The following PPME1 variants were observed in gnomAD, a reference collection of about 807,000 sequenced individuals.
PPME1 encodes the protein testicular secretory protein Li 39.
Under a neutral mutation model 56.9 loss-of-function variants are expected in PPME1, and 17 were observed. The observed-to-expected ratio is 0.30, with a 90% CI of 0.20 to 0.45. The LOEUF (loss-of-function observed/expected upper bound fraction) is 0.45. Ranked by LOEUF, PPME1 falls within the 20% of genes least tolerant of loss-of-function variation. PPME1 has a pLI of 1.00. For synonymous variants in PPME1, 122 were observed against 156.2 expected, an observed-to-expected ratio of 0.78 and a Z score of 1.63; for missense variants, 357 against 483.2, an observed-to-expected ratio of 0.74 and a Z score of 2.45.
At chr11:74,251,060 A>AT in intron 12 of PPME1, 42 bp downstream of exon 12, 1 of 1,561,716 alleles carries the variant, frequency 6.4e-7, no homozygotes, top group South Asian at 1.2e-5. Context: ...CAACTGTGAG[A>AT]ATAACCCTGG....
chr11:74,175,734 T>A lies in PPME1; in HGVS notation c.101+4212T>A, dbSNP rs1857386039. Among the ~76,000 whole-genome samples the A allele has an allele frequency of 5.3e-5, 8 of 152,302 alleles. No homozygotes were observed. In the South Asian group the frequency reaches 1.7e-3, roughly 32 times the overall value. On this transcript the variant is annotated intron_variant, in intron 1 of 13. Coordinates refer to ENST00000328257, the MANE Select transcript of PPME1 (RefSeq NM_016147.3). ...TAGCATGCCCAGCTCTGTAGTGATT[T>A]AACTGACATGTATATAGTAGTCCCT...
chr11:74,211,511 T>C (rs146305815), intron 3 of PPME1, among the ~76,000 whole-genome samples: 2 of 152,240 alleles, frequency 1.3e-5, no homozygotes, highest in African/African-American at 4.8e-5. Flanking sequence ...ACAACACAAA[T>C]GAATTTAAAT....
intron 1 of PPME1, among the ~76,000 whole-genome samples, chr11:74,179,602 C>G (rs1473116219): frequency 6.6e-6 from 1 of 152,190 alleles, no homozygotes; most frequent in Non-Finnish European, 1.5e-5. Flanking sequence ...AATGAGAATA[C>G]TTTAATGGTA....
At chr11:74,172,085 G>A (rs567085495) in intron 1 of PPME1, among the ~76,000 whole-genome samples, 1 of 152,290 alleles carries the variant, frequency 6.6e-6, no homozygotes, top group Non-Finnish European at 1.5e-5. Context: ...AATTCCCAGA[G>A]GTGTAAAGAC....
At chr11:74,197,167 A>G (rs1858006055) in intron 1 of PPME1, among the ~76,000 whole-genome samples, 1 of 152,208 alleles carries the variant, frequency 6.6e-6, no homozygotes, top group Non-Finnish European at 1.5e-5. Context: ...ATTCGCTTTT[A>G]CTAGAAAGTT....
chr11:74,246,325 T>G (rs756322592), intron 10 of PPME1, 120 bp downstream of exon 10: 24 of 1,111,090 alleles, frequency 2.2e-5, no homozygotes, highest in Non-Finnish European at 2.8e-5. Flanking sequence ...AAGTCTGAGA[T>G]CAGGGTGCCA....
At position 74,235,983 on chromosome 11, in the gene PPME1, C is replaced by T; in HGVS notation, c.710+17C>T. The T allele has an allele frequency of 2.5e-6, 4 of 1,610,044 alleles. No homozygotes were observed. Among genetic ancestry groups the T allele is most frequent in the Non-Finnish European group, 3.4e-6 (4 of 1,178,192 alleles). ...AGTCAAACAGTAGGTCTTACTCTTC[C>T]CCCTTGGTCTGGTTAGAGGCGGAAA... On this transcript the variant is annotated intron_variant, in intron 8 of 13. Coordinates refer to ENST00000328257, the MANE Select transcript of PPME1 (RefSeq NM_016147.3).
intron 11 of PPME1, chr11:74,249,354 A>G (rs1327147079): frequency 6.6e-6 from 1 of 152,190 alleles, no homozygotes; most frequent in African/African-American, 2.4e-5. Flanking sequence ...TCTGAACCTA[A>G]GGCTCCTAAT....
At chr11:74,252,601 A>G in intron 13 of PPME1, 1 of 451,702 alleles carries the variant, frequency 2.2e-6, no homozygotes, top group Non-Finnish European at 4.4e-6. Flanking sequence ...GAGGTGGATA[A>G]TTCTTCATTG....
At chr11:74,209,712 C>G (rs148144417) in intron 3 of PPME1, among the ~76,000 whole-genome samples, 1 of 152,232 alleles carries the variant, frequency 6.6e-6, no homozygotes, top group African/African-American at 2.4e-5. Context: ...TTACTCAATT[C>G]TAAATATTTG....
chr11:74,180,458 T>C (rs1857502562), intron 1 of PPME1, among the ~76,000 whole-genome samples: 1 of 152,220 alleles, frequency 6.6e-6, no homozygotes, highest in Admixed American at 6.5e-5. Context: ...TCCCTTAAGA[T>C]GGTATAACTA....
intron 1 of PPME1, among the ~76,000 whole-genome samples, chr11:74,181,614 C>G (rs968763774): frequency 6.6e-6 from 1 of 152,162 alleles, no homozygotes; most frequent in Admixed American, 6.5e-5. Context: ...TCTACTGTAA[C>G]ACAGTTAAAT....
intron 3 of PPME1, among the ~76,000 whole-genome samples, chr11:74,206,655 C>T (rs893077661): frequency 9.9e-5 from 15 of 152,174 alleles, no homozygotes; most frequent in African/African-American, 3.4e-4. Flanking sequence ...ACAACCTCAA[C>T]TCCTGGGCTC....
intron 11 of PPME1, chr11:74,249,135 C>T (rs1178650947): frequency 2.0e-5 from 3 of 152,200 alleles, no homozygotes; most frequent in East Asian, 1.9e-4. Flanking sequence ...ATCAAGACCA[C>T]CTTCTGGTTT....
intron 1 of PPME1, among the ~76,000 whole-genome samples, chr11:74,193,547 G>A (rs577547402): frequency 1.3e-5 from 2 of 152,312 alleles, no homozygotes; most frequent in African/African-American, 2.4e-5. Flanking sequence ...TACTCAACCT[G>A]TACGGCCTCT....
At chr11:74,252,480 C>T (rs961087963) in intron 13 of PPME1, 13 of 456,434 alleles carry the variant, frequency 2.8e-5, no homozygotes, top group Non-Finnish European at 5.7e-5. Flanking sequence ...GGTGCCTCTG[C>T]CAGGCTTGCT....
At chr11:74,246,584 A>T (rs1274617032) in intron 10 of PPME1, among the ~76,000 whole-genome samples, 1 of 152,228 alleles carries the variant, frequency 6.6e-6, no homozygotes, top group East Asian at 1.9e-4. Context: ...GACACAACTC[A>T]GTCCATAGCA....
At chr11:74,195,132 A>G (rs890077864) in intron 1 of PPME1, among the ~76,000 whole-genome samples, 5 of 152,226 alleles carry the variant, frequency 3.3e-5, no homozygotes, top group Admixed American at 1.3e-4. Context: ...AAAGTAAAGT[A>G]TATATGTACA....
chr11:74,239,722 G>A lies in PPME1; in HGVS notation c.834+466G>A, dbSNP rs150400614. ...CTCCCATGTAGCTGGGACTACAGGC[G>A]CCCGCCACCACACCCAGCTAATTTT... On this transcript the variant is annotated intron_variant, in intron 9 of 13. Coordinates refer to ENST00000328257, the MANE Select transcript of PPME1 (RefSeq NM_016147.3). 3.6e-3 allele frequency among the ~76,000 whole-genome samples: 548 copies of A among 151,756 alleles called. 5 individuals are homozygous for A. Among genetic ancestry groups the A allele is most frequent in the African/African-American group, 0.012 (509 of 41,400 alleles).
Sources: gnomAD v4.1 joint callset for allele counts (sites outside exome capture counted in the v4.1 genomes callset) on GRCh38, gnomAD v4.1.1 for gene constraint, MANE v1.5 for transcripts, NCBI Gene and HGNC (gene_info 2026-07-23, HGNC 2026-07-21) for gene names.